EPG5: variants seen among roughly 807,000 people sequenced by gnomAD.
EPG5 encodes ectopic P-granules 5 autophagy tethering factor, also known as ectopic P granules protein 5 homolog.
In EPG5, 159 loss-of-function variants were observed where a neutral mutation model predicts 302.7. That is an observed-to-expected ratio of 0.53 (90% CI 0.46 to 0.60). The LOEUF is 0.60. EPG5 is among the 20% of genes least tolerant of loss of function. The pLI, the probability that EPG5 is intolerant of heterozygous loss-of-function variation, is 0.00. For synonymous variants in EPG5, 1,158 were observed against 1,136.8 expected (o/e 1.02, Z -0.37); for missense variants, 2,896 against 3,092.4 (o/e 0.94, Z 1.51).
chr18:45,938,192 G>A (rs953580327), intron 10 of EPG5, among the ~76,000 whole-genome samples: 2 of 152,158 alleles, frequency 1.3e-5, no homozygotes, highest in Non-Finnish European at 2.9e-5. Context: ...CGGGTGAAGT[G>A]GCTCATGTCT....
At chr18:45,947,484 T>C (rs551332926) in intron 6 of EPG5, among the ~76,000 whole-genome samples, 1 of 152,132 alleles carries the variant, frequency 6.6e-6, no homozygotes, top group Non-Finnish European at 1.5e-5. Flanking sequence ...AAAACACTTG[T>C]GAGTCAAATC....
At chr18:45,939,928 TG>T (rs1376184930) in intron 9 of EPG5, among the ~76,000 whole-genome samples, 173 bp from the exon 10 acceptor site, 3 of 152,160 alleles carry the variant, frequency 2.0e-5, no homozygotes, top group African/African-American at 7.2e-5. Context: ...CCTACCTTCA[TG>T]GAGCTTACAT....
chr18:45,845,709 C>A (rs760083537), downstream of EPG5, among the ~76,000 whole-genome samples: 1 of 152,210 alleles, frequency 6.6e-6, no homozygotes, highest in Non-Finnish European at 1.5e-5. Context: ...CAGGGCACAG[C>A]GTTCCATGAA....
rs544618314 is a variant in EPG5 at position 45,934,585 on chromosome 18, A to G, written c.2257+224T>C. Among the ~76,000 whole-genome samples the G allele has an allele frequency of 2.6e-5, 4 of 152,368 alleles. No homozygotes were observed. In the East Asian group the frequency reaches 7.7e-4, roughly 29 times the overall value. On this transcript the variant is annotated intron_variant, in intron 11 of 43. Transcript: ENST00000282041. ...TCCTAAAAGTTAGAATATTGTGTGT[A>G]TTGGTATACTGTTTGGGACTAATCA...
At chr18:45,886,198 TAAGAAATTATCCTA>T (rs1293858887) in intron 29 of EPG5, among the ~76,000 whole-genome samples, 1 of 152,214 alleles carries the variant, frequency 6.6e-6, no homozygotes. Context: ...ATCATACCTC[TAAGAAATTATCCTA>T]AAGAAAATAG....
In EPG5 at chr18:45,878,455, A is replaced by C. The variant is rs757454692; in HGVS notation, c.5870-7T>G. The C allele has an allele frequency of 1.3e-6, 2 of 1,597,708 alleles. No homozygotes were observed. The highest frequency in any genetic ancestry group is 3.3e-5 in the Admixed American group (2 of 59,762). On this transcript the variant is annotated splice_polypyrimidine_tract_variant and splice_region_variant and intron_variant, in intron 33 of 43. Transcript: ENST00000282041. Reference sequence around the variant, plus strand: ...GAATGTAGGGATTTCAGCACTAAAAAGTTTTAGAGACAAAACAAAGGTCAT... The same window carrying C: ...GAATGTAGGGATTTCAGCACTAAAACGTTTTAGAGACAAAACAAAGGTCAT...
In EPG5 at chr18:45,920,964, G is replaced by A. The variant is rs560488535; in HGVS notation, c.3098+1377C>T. 9.2e-5 allele frequency among the ~76,000 whole-genome samples: 14 copies of A among 152,234 alleles called. No homozygotes were observed. The South Asian group carries it at 2.5e-3, about 27-fold the overall frequency. On this transcript the variant is annotated intron_variant, in intron 16 of 43. Coordinates refer to ENST00000282041, the MANE Select transcript of EPG5 (RefSeq NM_020964.3). ...TTCTCAATCCAGGGTGTACATTAGA[G>A]ATACTTAGAGAACTGGCCCCCAGCC...
chr18:45,896,295 C>T (rs2049472329), intron 27 of EPG5, among the ~76,000 whole-genome samples: 1 of 152,202 alleles, frequency 6.6e-6, no homozygotes. Flanking sequence ...TTCTAGGAGC[C>T]ATCAGTGAGG....
chr18:45,963,837 G>GAGA (rs1271249869), intron 1 of EPG5, among the ~76,000 whole-genome samples: 1 of 152,170 alleles, frequency 6.6e-6, no homozygotes, highest in East Asian at 1.9e-4. Flanking sequence ...GCTCAGTTTA[G>GAGA]AGAATGGGCA....
At chr18:45,842,251 G>C in the EPG5 span, 1 of 1,578,272 alleles carries the variant, frequency 6.3e-7, no homozygotes, top group Non-Finnish European at 8.7e-7. Context: ...TGCGAGGCTT[G>C]GCTGGCACAG....
chr18:45,939,442 G>A (rs1158776718), intron 10 of EPG5, among the ~76,000 whole-genome samples, 158 bp downstream of exon 10: 3 of 152,152 alleles, frequency 2.0e-5, no homozygotes, highest in Non-Finnish European at 4.4e-5. Flanking sequence ...GGGTACTACA[G>A]ATAAGGAAAC....
At chr18:45,836,436 C>T in the EPG5 span, among the ~76,000 whole-genome samples, 1 of 152,058 alleles carries the variant, frequency 6.6e-6, no homozygotes, top group Admixed American at 6.5e-5. Flanking sequence ...TAGAAGCCTG[C>T]CCTTTCTCCT....
At chr18:45,953,192 C>T in intron 2 of EPG5, 1 of 692,496 alleles carries the variant, frequency 1.4e-6, no homozygotes, top group Non-Finnish European at 1.8e-6. Flanking sequence ...TAGTAGTCAG[C>T]AGTGAAAGCT....
chr18:45,926,892 G>A (rs985277088), intron 13 of EPG5, among the ~76,000 whole-genome samples: 5 of 151,768 alleles, frequency 3.3e-5, no homozygotes, highest in African/African-American at 1.2e-4. Context: ...AGAATCATAT[G>A]ATCCACTGTA....
intron 1 of EPG5, among the ~76,000 whole-genome samples, chr18:45,966,435 C>G (rs772849924): frequency 2.8e-5 from 4 of 141,652 alleles, no homozygotes. Flanking sequence ...TATATATGTA[C>G]GTATATATGT....
chr18:45,953,114 A>C (rs750144438), intron 2 of EPG5: 3 of 192,942 alleles, frequency 1.6e-5, no homozygotes, highest in African/African-American at 2.4e-5. Context: ...TAGAGGTTGC[A>C]GTGGGCCAAG....
At chr18:45,914,305 T>C (rs1206320023) in intron 20 of EPG5, among the ~76,000 whole-genome samples, 1 of 152,194 alleles carries the variant, frequency 6.6e-6, no homozygotes, top group Non-Finnish European at 1.5e-5. Context: ...GAGAATCCGC[T>C]AGGCAGAGAC....
At chr18:45,863,692 C>G (rs2048682138) in intron 39 of EPG5, among the ~76,000 whole-genome samples, 1 of 152,198 alleles carries the variant, frequency 6.6e-6, no homozygotes, top group African/African-American at 2.4e-5. Context: ...GAGTCATTTT[C>G]TCATAGCACA....
At chr18:45,930,124 T>C (rs2050366825) in intron 12 of EPG5, among the ~76,000 whole-genome samples, 1 of 152,216 alleles carries the variant, frequency 6.6e-6, no homozygotes, top group Admixed American at 6.5e-5. Flanking sequence ...CCCCTCCACC[T>C]TCACGGATGG....
Sources: gnomAD v4.1 joint callset for allele counts (sites outside exome capture counted in the v4.1 genomes callset) on GRCh38, gnomAD v4.1.1 for gene constraint, MANE v1.5 for transcripts, NCBI Gene and HGNC (gene_info 2026-07-23, HGNC 2026-07-21) for gene names.